The following ROCK2 variants were observed in gnomAD, a reference collection of about 807,000 sequenced individuals.
ROCK2 encodes rho-associated protein kinase 2.
ROCK2 carries 61 observed loss-of-function variants against 195.1 expected under a neutral mutation model. The ratio of observed to expected loss-of-function variants is 0.31; its 90% confidence interval spans 0.25 to 0.39. ROCK2 has a LOEUF of 0.39. Among genes scored for constraint, ROCK2 ranks in the 10% least tolerant of loss-of-function variants. The pLI is 1.00. For synonymous variants in ROCK2, 504 were observed against 545.5 expected, an observed-to-expected ratio of 0.92 and a Z score of 1.06; for missense variants, 1,109 against 1,637.4, an observed-to-expected ratio of 0.68 and a Z score of 5.57.
chr2:11,215,266 G>A, intron 15 of ROCK2, 55 bp downstream of exon 15: 1 of 1,438,634 alleles, frequency 7.0e-7, no homozygotes, highest in African/African-American at 1.4e-5. Flanking sequence ...TAAAACTAAT[G>A]TTATCGCGTT....
At chr2:11,279,756 T>C (rs766467436) in intron 3 of ROCK2, among the ~76,000 whole-genome samples, 2 of 152,196 alleles carry the variant, frequency 1.3e-5, no homozygotes, top group Non-Finnish European at 2.9e-5. Context: ...TCATGGAACG[T>C]TCACCAAGAT....
chr2:11,333,394 T>C (rs1343919850), intron 1 of ROCK2, among the ~76,000 whole-genome samples: 2 of 152,204 alleles, frequency 1.3e-5, no homozygotes, highest in Non-Finnish European at 2.9e-5. Flanking sequence ...TATGTATCAC[T>C]CTTCTTTGTC....
chr2:11,280,373 C>T (rs1666956642), intron 3 of ROCK2, among the ~76,000 whole-genome samples: 1 of 151,614 alleles, frequency 6.6e-6, no homozygotes, highest in South Asian at 2.1e-4. Flanking sequence ...CCTGAAATCC[C>T]AGCACTTTGG....
At chr2:11,317,397 C>T (rs1668227906) in intron 1 of ROCK2, among the ~76,000 whole-genome samples, 1 of 151,088 alleles carries the variant, frequency 6.6e-6, no homozygotes. Context: ...ACCAACGCAA[C>T]TGTTACATAA....
intron 1 of ROCK2, among the ~76,000 whole-genome samples, chr2:11,301,097 T>C (rs1057131627): frequency 6.6e-6 from 1 of 152,116 alleles, no homozygotes; most frequent in Non-Finnish European, 1.5e-5. Flanking sequence ...ATAAAGCATA[T>C]GTCATTTAGT....
chr2:11,262,709 C>A (rs570225630), intron 3 of ROCK2, among the ~76,000 whole-genome samples: 8 of 152,106 alleles, frequency 5.3e-5, no homozygotes, highest in Non-Finnish European at 1.2e-4. Context: ...AACTGTAAGT[C>A]CAATAAACTT....
At chr2:11,198,291 A>C (rs1663714026) in intron 25 of ROCK2, among the ~76,000 whole-genome samples, 200 bp downstream of exon 25, 1 of 152,262 alleles carries the variant, frequency 6.6e-6, no homozygotes, top group African/African-American at 2.4e-5. Flanking sequence ...AATATTAAGA[A>C]AAATTTTAGT....
At chr2:11,328,912 T>C (rs1171121405) in intron 1 of ROCK2, among the ~76,000 whole-genome samples, 1 of 125,956 alleles carries the variant, frequency 7.9e-6, no homozygotes, top group Non-Finnish European at 1.7e-5. Flanking sequence ...CTCTGGGGAC[T>C]GTTGTGGGGT....
At chr2:11,221,447 T>G in intron 8 of ROCK2, 90 bp from the exon 9 acceptor site, 1 of 911,938 alleles carries the variant, frequency 1.1e-6, no homozygotes, top group Non-Finnish European at 1.5e-6. Flanking sequence ...TATTATTTAA[T>G]AACACTATAT....
intron 3 of ROCK2, among the ~76,000 whole-genome samples, chr2:11,262,266 AT>A (rs1178576216): frequency 6.6e-6 from 1 of 152,254 alleles, no homozygotes; most frequent in Non-Finnish European, 1.5e-5. Flanking sequence ...GAACAAAAAA[AT>A]AAATAATGGT....
chr2:11,211,844 TTAAA>T lies in ROCK2; in HGVS notation c.2044-8_2044-5del. 6.4e-7 allele frequency: 1 copy of T among 1,567,094 alleles called. No individual in the cohort carries two copies. Among genetic ancestry groups the T allele is most frequent in the East Asian group, 2.2e-5 (1 of 44,526 alleles). On this transcript the variant is annotated splice_region_variant and splice_polypyrimidine_tract_variant and intron_variant, in intron 17 of 32. Transcript: ENST00000315872. Reference sequence around the variant, plus strand: ...CTATTTCCATGTTGCTTTTTTCCTATTAAATATTTAAAATGCAGCTATCAACAAA... The same window carrying T: ...CTATTTCCATGTTGCTTTTTTCCTATTATTTAAAATGCAGCTATCAACAAA...
In ROCK2 at chr2:11,207,868, G is replaced by A. The variant is rs370068257; in HGVS notation, c.2407C>T (p.Arg803Cys). ...TTCAGGTCATTTTGTGTAAGGCAGCGCTTCTGAGTTTCTTGCTCTATTTTT... is the reference window on the plus strand; with the variant it reads ...TTCAGGTCATTTTGTGTAAGGCAGCACTTCTGAGTTTCTTGCTCTATTTTT... ...TLKIEQETQKRCLTQNDLKMQ... is the reference protein window; with the variant it reads ...TLKIEQETQKCCLTQNDLKMQ... Residue 803 changes from arginine to cysteine, a missense_variant, in exon 20 of 33, where the codon CGC becomes TGC. Coordinates refer to ENST00000315872, the MANE Select transcript of ROCK2 (RefSeq NM_004850.5). The A allele has an allele frequency of 1.4e-5, 23 of 1,596,052 alleles. No homozygotes were observed. The East Asian group carries it at 1.6e-4, about 11-fold the overall frequency.
intron 1 of ROCK2, among the ~76,000 whole-genome samples, chr2:11,291,022 C>T (rs1025100485): frequency 7.9e-5 from 12 of 152,042 alleles, no homozygotes; most frequent in African/African-American, 2.9e-4. Flanking sequence ...ATGCAAAAAG[C>T]ATGAGAGAAA....
chr2:11,313,445 T>C (rs1285210232), intron 1 of ROCK2, among the ~76,000 whole-genome samples: 1 of 152,114 alleles, frequency 6.6e-6, no homozygotes, highest in South Asian at 2.1e-4. Flanking sequence ...ATTGATGTTT[T>C]AATTTTTATA....
At position 11,292,246 on chromosome 2, in the gene ROCK2, C is replaced by T. The variant is rs75211851; in HGVS notation, c.142-4510G>A. On this transcript the variant is annotated intron_variant, in intron 1 of 32. Coordinates refer to ENST00000315872, the MANE Select transcript of ROCK2 (RefSeq NM_004850.5). ...GTCTTATTCTTTACAGCCTACCTAC[C>T]AAAAACTTTAACTACATTATACAGG... 8.9e-3 allele frequency among the ~76,000 whole-genome samples: 1,361 copies of T among 152,206 alleles called. 16 individuals are homozygous for T. Among genetic ancestry groups the T allele is most frequent in the African/African-American group, 0.031 (1,286 of 41,542 alleles).
At position 11,183,261 on chromosome 2, in the gene ROCK2, C is replaced by A; in HGVS notation, c.*176G>T. The A allele has an allele frequency of 2.0e-6, 1 of 510,368 alleles. No individual in the cohort carries two copies. Among genetic ancestry groups the A allele is most frequent in the Non-Finnish European group, 3.5e-6 (1 of 284,232 alleles). The allele number at this position is 510,368 out of a possible 1,614,324, so 31.6% of individuals were successfully genotyped here. ...GGTTCAACCTGTTGCTTCAAAGGAG[C>A]CCAGATTTGTAATTTATATTACAGG... is the stretch of plus-strand genomic sequence containing the variant. On this transcript the variant is annotated 3_prime_UTR_variant, in exon 33 of 33. Transcript: ENST00000315872.
intron 15 of ROCK2, 68 bp from the exon 16 acceptor site, chr2:11,215,154 G>A: frequency 1.3e-6 from 2 of 1,562,102 alleles, no homozygotes; most frequent in Non-Finnish European, 1.7e-6. Context: ...ATAAGTCAAT[G>A]TATTCCCCCA....
intron 1 of ROCK2, among the ~76,000 whole-genome samples, chr2:11,315,941 A>T (rs1668176356): frequency 6.6e-6 from 1 of 152,168 alleles, no homozygotes; most frequent in Non-Finnish European, 1.5e-5. Context: ...AGCCACATGT[A>T]GCTACTAAGC....
chr2:11,228,584 G>T (rs1255977458), intron 5 of ROCK2, among the ~76,000 whole-genome samples: 1 of 152,128 alleles, frequency 6.6e-6, no homozygotes, highest in East Asian at 1.9e-4. Flanking sequence ...GACTTCAAAA[G>T]GCAGGGTATA....
Sources: allele counts gnomAD v4.1 joint callset (sites outside exome capture counted in the v4.1 genomes callset), GRCh38; gene constraint gnomAD v4.1.1; transcripts MANE v1.5; gene names NCBI Gene and HGNC (gene_info 2026-07-23, HGNC 2026-07-21).